ST6GALNAC3: variants seen among roughly 807,000 people sequenced by gnomAD.
ST6GALNAC3 encodes ST6 N-acetylgalactosaminide alpha-2,6-sialyltransferase 3, also known as alpha-N-acetylgalactosaminide alpha-2,6-sialyltransferase 3.
ST6GALNAC3 carries 25 observed loss-of-function variants against 32.7 expected under a neutral mutation model. That is an observed-to-expected ratio of 0.76 (90% CI 0.56 to 1.07). ST6GALNAC3 has a LOEUF of 1.07. ST6GALNAC3 is among the 50% of genes least tolerant of loss of function. The probability of loss-of-function intolerance (pLI) is 0.00; values close to 1 mark genes in which losing one functional copy is unlikely to be tolerated. For missense variants in ST6GALNAC3, 355 were observed against 382.4 expected, an observed-to-expected ratio of 0.93 and a Z score of 0.60; for synonymous variants, 129 against 133.1, an observed-to-expected ratio of 0.97 and a Z score of 0.21.
intron 1 of ST6GALNAC3, among the ~76,000 whole-genome samples, chr1:76,303,817 A>G (rs1443387973): frequency 6.6e-6 from 1 of 152,116 alleles, no homozygotes; most frequent in Non-Finnish European, 1.5e-5. Context: ...CAGATTTACA[A>G]GTTCTATCAG....
At chr1:76,543,140 C>T (rs1664090400) in intron 3 of ST6GALNAC3, among the ~76,000 whole-genome samples, 1 of 152,176 alleles carries the variant, frequency 6.6e-6, no homozygotes, top group African/African-American at 2.4e-5. Flanking sequence ...AGCCCTATCA[C>T]ATGTAATTTT....
At chr1:76,202,535 A>G (rs771999438) in intron 1 of ST6GALNAC3, among the ~76,000 whole-genome samples, 31 of 152,280 alleles carry the variant, frequency 2.0e-4, no homozygotes, top group Middle Eastern at 3.4e-3. Flanking sequence ...GCTCTTGGGA[A>G]ACCCTGCAGT....
At chr1:76,514,420 C>A (rs567831071) in intron 3 of ST6GALNAC3, among the ~76,000 whole-genome samples, 1 of 151,986 alleles carries the variant, frequency 6.6e-6, no homozygotes, top group South Asian at 2.1e-4. Context: ...AAATTGGATC[C>A]CCAGTGTGGC....
At chr1:76,134,117 C>T (rs561257846) in intron 1 of ST6GALNAC3, among the ~76,000 whole-genome samples, 3 of 152,232 alleles carry the variant, frequency 2.0e-5, no homozygotes, top group Non-Finnish European at 4.4e-5. Context: ...AATAGCTGGA[C>T]ACCTGGCTTC....
chr1:76,350,576 T>A (rs1469258528), intron 2 of ST6GALNAC3, among the ~76,000 whole-genome samples: 1 of 152,174 alleles, frequency 6.6e-6, no homozygotes, highest in East Asian at 1.9e-4. Flanking sequence ...AATAAAAGAA[T>A]CATCAATAAG....
chr1:76,081,840 A>G (rs960274049), intron 1 of ST6GALNAC3, among the ~76,000 whole-genome samples: 3 of 152,206 alleles, frequency 2.0e-5, no homozygotes, highest in Admixed American at 1.3e-4. Flanking sequence ...CACAAATCGT[A>G]TACATTTCAG....
At chr1:76,393,895 T>C (rs926234882) in intron 2 of ST6GALNAC3, among the ~76,000 whole-genome samples, 3 of 152,142 alleles carry the variant, frequency 2.0e-5, no homozygotes, top group African/African-American at 7.2e-5. Context: ...TAAACTACTA[T>C]ACTTTACTAA....
intron 1 of ST6GALNAC3, among the ~76,000 whole-genome samples, chr1:76,203,862 T>C (rs1646997520): frequency 6.6e-6 from 1 of 152,246 alleles, no homozygotes; most frequent in Non-Finnish European, 1.5e-5. Flanking sequence ...CTTAAATATA[T>C]GTCTTTTCTT....
chr1:76,524,334 A>G (rs1323971574), intron 3 of ST6GALNAC3, among the ~76,000 whole-genome samples: 2 of 151,972 alleles, frequency 1.3e-5, no homozygotes, highest in African/African-American at 4.8e-5. Context: ...TTGAACTAGA[A>G]CCCCCAGGGC....
At chr1:76,359,860 A>G (rs934044290) in intron 2 of ST6GALNAC3, among the ~76,000 whole-genome samples, 3 of 152,218 alleles carry the variant, frequency 2.0e-5, no homozygotes, top group African/African-American at 4.8e-5. Flanking sequence ...AGTGGAGAGA[A>G]GAATGGCTTG....
At chr1:76,162,758 A>T (rs574532390) in intron 1 of ST6GALNAC3, among the ~76,000 whole-genome samples, 14 of 152,348 alleles carry the variant, frequency 9.2e-5, no homozygotes, top group African/African-American at 3.1e-4. Flanking sequence ...CAAAGGGGCA[A>T]TGTATGTAAG....
rs184445332 is a variant in ST6GALNAC3 at position 76,555,826 on chromosome 1, T to A, written c.624-71626T>A. On this transcript the variant is annotated intron_variant, in intron 3 of 4. Transcript: ENST00000328299. ...AGAGGGATTCTGGGTACCAGGAAAA[T>A]TCAATAAGAAATTCTGGGGTTAGGA... is the stretch of plus-strand genomic sequence containing the variant. 1.8e-3 allele frequency among the ~76,000 whole-genome samples: 280 copies of A among 152,166 alleles called. 1 individual carries two copies. The highest frequency in any genetic ancestry group is 6.4e-3 in the African/African-American group (267 of 41,514).
At chr1:76,097,091 G>A (rs925719570) in intron 1 of ST6GALNAC3, among the ~76,000 whole-genome samples, 9 of 152,054 alleles carry the variant, frequency 5.9e-5, no homozygotes, top group African/African-American at 1.9e-4. Context: ...GCTAATTTTT[G>A]TATTTTTAGT....
chr1:76,379,895 A>G (rs1014337575), intron 2 of ST6GALNAC3, among the ~76,000 whole-genome samples: 5 of 152,204 alleles, frequency 3.3e-5, no homozygotes, highest in African/African-American at 1.2e-4. Flanking sequence ...TGATGAGGCG[A>G]AACAGGAGGA....
At chr1:76,431,394 G>T (rs1049553015) in intron 3 of ST6GALNAC3, among the ~76,000 whole-genome samples, 1 of 152,136 alleles carries the variant, frequency 6.6e-6, no homozygotes, top group Non-Finnish European at 1.5e-5. Flanking sequence ...AAAGGTAGCT[G>T]AAAGTTGAAT....
chr1:76,388,972 T>C lies in ST6GALNAC3; in HGVS notation c.214-23036T>C, dbSNP rs140019664. 7.1e-4 allele frequency among the ~76,000 whole-genome samples: 107 copies of C among 150,944 alleles called. 1 individual carries two copies. The highest frequency in any genetic ancestry group is 2.5e-3 in the African/African-American group (103 of 41,264). The stretch of plus-strand genomic sequence containing the variant: ...AACCTTCCTCCTAAGGTTGGTGTGG[T>C]TGTTAGTTGGTATGGTGTGGTTGTT... On this transcript the variant is annotated intron_variant, in intron 2 of 4. Coordinates refer to ENST00000328299, the MANE Select transcript of ST6GALNAC3 (RefSeq NM_152996.4).
At chr1:76,217,919 G>A (rs1428647469) in intron 1 of ST6GALNAC3, among the ~76,000 whole-genome samples, 1 of 152,124 alleles carries the variant, frequency 6.6e-6, no homozygotes, top group African/African-American at 2.4e-5. Flanking sequence ...CTTGTTGGCG[G>A]ATGGACATTT....
chr1:76,391,982 T>G (rs1361492627), intron 2 of ST6GALNAC3, among the ~76,000 whole-genome samples: 2 of 152,204 alleles, frequency 1.3e-5, no homozygotes, highest in Non-Finnish European at 2.9e-5. Context: ...TCTTTCTATC[T>G]TTTAGACCTT....
chr1:76,179,824 CT>C (rs1474054809), intron 1 of ST6GALNAC3, among the ~76,000 whole-genome samples: 1 of 152,212 alleles, frequency 6.6e-6, no homozygotes, highest in Non-Finnish European at 1.5e-5. Context: ...GGGCCCCTCC[CT>C]CATTTCCTCT....
Sources: allele counts gnomAD v4.1 joint callset (sites outside exome capture counted in the v4.1 genomes callset), GRCh38; gene constraint gnomAD v4.1.1; transcripts MANE v1.5; gene names NCBI Gene and HGNC (gene_info 2026-07-23, HGNC 2026-07-21).